The following ERLEC1 variants were observed in gnomAD, a reference collection of about 807,000 sequenced individuals.
ERLEC1 encodes endoplasmic reticulum lectin 1.
Under a neutral mutation model 68.0 loss-of-function variants are expected in ERLEC1, and 47 were observed. That is an observed-to-expected ratio of 0.69 (90% confidence interval 0.55 to 0.88). The LOEUF (loss-of-function observed/expected upper bound fraction) is 0.88, where lower values mean the gene tolerates loss of function less well. Ranked by LOEUF, ERLEC1 falls within the 40% of genes least tolerant of loss-of-function variation. ERLEC1 has a pLI of 0.00. For missense variants in ERLEC1, 567 were observed against 583.8 expected (o/e 0.97, Z 0.30); for synonymous variants, 225 against 203.2 (o/e 1.11, Z -0.91).
At chr2:53,811,518 G>C (rs992093848) in intron 10 of ERLEC1, among the ~76,000 whole-genome samples, 1 of 152,148 alleles carries the variant, frequency 6.6e-6, no homozygotes, top group African/African-American at 2.4e-5. Flanking sequence ...AGGGAACTCT[G>C]TTAGGTGTTT....
At chr2:53,793,396 C>T (rs568110261) in intron 1 of ERLEC1, among the ~76,000 whole-genome samples, 16 of 152,316 alleles carry the variant, frequency 1.1e-4, no homozygotes, top group African/African-American at 3.8e-4. Context: ...CGCTGTCCCA[C>T]CACATATTTT....
At position 53,814,884 on chromosome 2, in the gene ERLEC1, T is replaced by G. The variant is rs766599846; in HGVS notation, c.1329T>G (p.His443Gln). ...GGTGCAAAGAATCAGATTCACCTCA[T>G]GCTGTTACTGTATATATGCTAGAGC... Reference protein sequence around the residue: ...KLKCKESDSPHAVTVYMLEPH... With the variant: ...KLKCKESDSPQAVTVYMLEPH... The change falls in exon 13 of 14, where the codon CAT (histidine) becomes CAG (glutamine). Residue 443 changes from histidine (H) to glutamine (Q), a missense_variant. Coordinates refer to ENST00000185150, the MANE Select transcript of ERLEC1 (RefSeq NM_015701.5). 28 of 1,609,266 alleles carry G rather than the reference T, an allele frequency of 1.7e-5. No homozygotes were observed. Among genetic ancestry groups the G allele is most frequent in the Non-Finnish European group, 2.3e-5 (27 of 1,176,900 alleles).
intron 1 of ERLEC1, among the ~76,000 whole-genome samples, chr2:53,793,708 A>G (rs1675536608): frequency 6.6e-6 from 1 of 151,970 alleles, no homozygotes; most frequent in Non-Finnish European, 1.5e-5. Context: ...CAACCTCCCA[A>G]GTATAATCAC....
chr2:53,789,934 G>A (rs993807618), intron 1 of ERLEC1, among the ~76,000 whole-genome samples: 45 of 150,418 alleles, frequency 3.0e-4, no homozygotes, highest in African/African-American at 9.8e-4. Context: ...CAGGAGAATC[G>A]CTTGAACCTT....
chr2:53,811,415 C>G lies in ERLEC1; in HGVS notation c.1102-1534C>G, dbSNP rs184178068. ...CCTTCCAGAGTTAGACCAGTTTACA[C>G]TCCCATAAACAGTGGCTACATTCCT... On this transcript the variant is annotated intron_variant, in intron 10 of 13. Coordinates refer to ENST00000185150, the MANE Select transcript of ERLEC1 (RefSeq NM_015701.5). 2.6e-5 allele frequency among the ~76,000 whole-genome samples: 4 copies of G among 152,332 alleles called. No homozygotes were observed. In the East Asian group the frequency reaches 7.7e-4, roughly 29 times the overall value.
chr2:53,788,875 A>G (rs888644017), intron 1 of ERLEC1, among the ~76,000 whole-genome samples: 11 of 152,256 alleles, frequency 7.2e-5, no homozygotes, highest in African/African-American at 2.6e-4. Context: ...CTTGGAGTGA[A>G]TATGGCAGAT....
In ERLEC1 at chr2:53,787,251, G is replaced by T. The variant is rs777654554; in HGVS notation, c.41G>T (p.Gly14Val). 6.2e-7 allele frequency: 1 copy of T among 1,607,134 alleles called. No individual in the cohort carries two copies. Among genetic ancestry groups the T allele is most frequent in the Non-Finnish European group, 8.5e-7 (1 of 1,179,716 alleles). ...GGGGVRSLVP[G>V]GPVLLVLCGL... Reference sequence around the variant, plus strand: ...GGCGGCGTACGGAGTCTGGTCCCGGGCGGGCCGGTGTTACTGGTCCTCTGC... The same window carrying T: ...GGCGGCGTACGGAGTCTGGTCCCGGTCGGGCCGGTGTTACTGGTCCTCTGC... Residue 14 changes from glycine to valine, a missense_variant, in exon 1 of 14, where the codon GGC (glycine) becomes GTC (valine). Coordinates refer to ENST00000185150, the MANE Select transcript of ERLEC1 (RefSeq NM_015701.5).
At chr2:53,815,016 T>TTTTTTTTTTTTTTTTTTTTA in intron 13 of ERLEC1, 81 bp downstream of exon 13, 1 of 863,464 alleles carries the variant, frequency 1.2e-6, no homozygotes, top group Non-Finnish European at 1.7e-6. Context: ...TTTTTTTTTT[T>TTTTTTTTTTTTTTTTTTTTA]GTTTTTTTGA....
At chr2:53,811,343 C>A (rs1195346683) in intron 10 of ERLEC1, among the ~76,000 whole-genome samples, 4 of 152,184 alleles carry the variant, frequency 2.6e-5, no homozygotes, top group African/African-American at 9.7e-5. Flanking sequence ...AGGGACATTT[C>A]TATTAACATA....
intron 7 of ERLEC1, 44 bp downstream of exon 7, chr2:53,801,664 C>A: frequency 5.0e-6 from 8 of 1,612,626 alleles, no homozygotes; most frequent in Non-Finnish European, 6.8e-6. Flanking sequence ...TGCACACATG[C>A]TTTAAAGTGT....
chr2:53,801,855 T>C lies in ERLEC1; in HGVS notation c.879+13T>C. ...GAGAAATAAAGAGGTATGAGAATTG[T>C]CTAATGATAGCTTTTTGGTGCTTCA... On this transcript the variant is annotated intron_variant, in intron 8 of 13. Coordinates refer to ENST00000185150, the MANE Select transcript of ERLEC1 (RefSeq NM_015701.5). The C allele has an allele frequency of 6.2e-7, 1 of 1,605,078 alleles. No homozygotes were observed. The highest frequency in any genetic ancestry group is 8.5e-7 in the Non-Finnish European group (1 of 1,176,040).
At chr2:53,808,206 T>G (rs1364484408) in intron 8 of ERLEC1, 93 bp from the exon 9 acceptor site, 1 of 1,361,646 alleles carries the variant, frequency 7.3e-7, no homozygotes, top group African/African-American at 1.5e-5. Flanking sequence ...TTTTTCAAAT[T>G]TTCTGCAGTT....
At chr2:53,814,987 T>G in intron 13 of ERLEC1, 52 bp downstream of exon 13, 1 of 1,050,340 alleles carries the variant, frequency 9.5e-7, no homozygotes, top group Non-Finnish European at 1.4e-6. Context: ...ATGTTTTAAT[T>G]TTTTTTTCTT....
intron 1 of ERLEC1, among the ~76,000 whole-genome samples, chr2:53,792,985 G>A (rs540990516): frequency 6.7e-6 from 1 of 149,606 alleles, no homozygotes; most frequent in South Asian, 2.2e-4. Flanking sequence ...CTCAGCCTGG[G>A]TTAGTGAAAG....
intron 5 of ERLEC1, among the ~76,000 whole-genome samples, chr2:53,798,354 T>A (rs1675829317): frequency 6.6e-6 from 1 of 151,598 alleles, no homozygotes; most frequent in African/African-American, 2.4e-5. Flanking sequence ...CTTGACCTCC[T>A]GGGCTCAAGT....
chr2:53,790,856 TTTTG>T (rs1392089189), intron 1 of ERLEC1, among the ~76,000 whole-genome samples: 1 of 152,226 alleles, frequency 6.6e-6, no homozygotes, highest in African/African-American at 2.4e-5. Flanking sequence ...TAGCACTCAG[TTTTG>T]TTTTTGTGTT....
chr2:53,815,707 CT>C (rs945062438), intron 13 of ERLEC1, among the ~76,000 whole-genome samples: 103 of 151,884 alleles, frequency 6.8e-4, no homozygotes, highest in African/African-American at 2.3e-3. Flanking sequence ...CAGTGTAACA[CT>C]TTTTTTTGGT....
At chr2:53,817,539 G>A (rs1434359295) in intron 13 of ERLEC1, among the ~76,000 whole-genome samples, 1 of 151,998 alleles carries the variant, frequency 6.6e-6, no homozygotes, top group East Asian at 1.9e-4. Flanking sequence ...TTCAACATCT[G>A]TTCCATCTTT....
Position 53,799,101 on chromosome 2 carries a change from T to A in ERLEC1, c.525+20T>A. On this transcript the variant is annotated intron_variant, in intron 6 of 13. Transcript: ENST00000185150. Reference sequence around the variant, plus strand: ...AATGAGGCAAGTGACAGATGTTGATTTTTTTCCTCTTAACACTTATTGTTA... The same window carrying A: ...AATGAGGCAAGTGACAGATGTTGATATTTTTCCTCTTAACACTTATTGTTA... The A allele has an allele frequency of 6.2e-7, 1 of 1,606,952 alleles. No individual in the cohort carries two copies. The highest frequency in any genetic ancestry group is 1.1e-5 in the South Asian group (1 of 90,234).
Sources: allele counts gnomAD v4.1 joint callset (sites outside exome capture counted in the v4.1 genomes callset), GRCh38; gene constraint gnomAD v4.1.1; transcripts MANE v1.5; gene names NCBI Gene and HGNC (gene_info 2026-07-23, HGNC 2026-07-21).